Variants in SPPL3 observed in about 807,000 individuals in gnomAD.
SPPL3 encodes the protein signal peptide peptidase-like 3.
In SPPL3, 5 loss-of-function variants were observed where a neutral mutation model predicts 42.4. The ratio of observed to expected loss-of-function variants is 0.12; its 90% CI spans 0.06 to 0.25. SPPL3 has a LOEUF of 0.25. Ranked by LOEUF, SPPL3 falls within the 10% of genes least tolerant of loss-of-function variation. The probability of loss-of-function intolerance (pLI) is 1.00; values close to 1 mark genes in which losing one functional copy is unlikely to be tolerated. For synonymous variants in SPPL3, 195 were observed against 181.8 expected (o/e 1.07, Z -0.58); for missense variants, 235 against 489.0 (o/e 0.48, Z 4.90).
intron 1 of SPPL3, among the ~76,000 whole-genome samples, chr12:120,828,765 G>A (rs1321670876): frequency 6.6e-6 from 1 of 152,026 alleles, no homozygotes; most frequent in Non-Finnish European, 1.5e-5. Context: ...AGTCTTTTTT[G>A]TTTGTGTTAG....
At chr12:120,777,150 G>GCAT (rs1273243164) in intron 6 of SPPL3, among the ~76,000 whole-genome samples, 2 of 152,118 alleles carry the variant, frequency 1.3e-5, no homozygotes, top group Non-Finnish European at 2.9e-5. Flanking sequence ...GAAAAAATCT[G>GCAT]GTTTAGATTC....
chr12:120,792,458 T>C (rs1054466919), intron 2 of SPPL3, among the ~76,000 whole-genome samples: 1 of 152,110 alleles, frequency 6.6e-6, no homozygotes, highest in Non-Finnish European at 1.5e-5. Flanking sequence ...TCCCAGCACT[T>C]TGGGAGCCCC....
At chr12:120,852,760 CT>C (rs1872285919) in intron 1 of SPPL3, among the ~76,000 whole-genome samples, 1 of 51,130 alleles carries the variant, frequency 2.0e-5, no homozygotes, top group East Asian at 5.0e-4. Context: ...TATATTATAT[CT>C]ATGTATATTA....
At chr12:120,873,111 CAA>C (rs1238965544) in intron 1 of SPPL3, among the ~76,000 whole-genome samples, 1 of 152,066 alleles carries the variant, frequency 6.6e-6, no homozygotes, top group African/African-American at 2.4e-5. Context: ...GGAAAGGAGA[CAA>C]ATAGTTTTTC....
At position 120,801,484 on chromosome 12, in the gene SPPL3, T is replaced by C. The variant is rs1021011885; in HGVS notation, c.101+9325A>G. Among the ~76,000 whole-genome samples the C allele has an allele frequency of 2.0e-5, 3 of 152,300 alleles. No homozygotes were observed. In the South Asian group the frequency reaches 6.2e-4, roughly 32 times the overall value. ...TTTTGTGCACATTAACAAATCTGTA[T>C]GCCTTTTCTATTAATCTGCTATTTG... On this transcript the variant is annotated intron_variant, in intron 2 of 10. Coordinates refer to ENST00000353487, the MANE Select transcript of SPPL3 (RefSeq NM_139015.5).
At position 120,782,618 on chromosome 12, in the gene SPPL3, A is replaced by C. The variant is rs139366196; in HGVS notation, c.502+37T>G. The C allele has an allele frequency of 1.8e-3, 2,581 of 1,446,028 alleles. 41 individuals are homozygous for C. In the African/African-American group the frequency reaches 0.032, roughly 18 times the overall value. 89.6% of individuals were successfully genotyped at this position (1,446,028 alleles called of 1,614,324 possible). A position where few individuals can be genotyped will look rare whatever the true frequency, so the allele number is the denominator to read the frequency against. On this transcript the variant is annotated intron_variant, in intron 6 of 10. Coordinates refer to ENST00000353487, the MANE Select transcript of SPPL3 (RefSeq NM_139015.5). ...CCTAAAGTATCTATAAAACTCTATA[A>C]AGTAAAATTACAATTTGTCACAAAT...
chr12:120,853,980 A>G lies in SPPL3; in HGVS notation c.24-43094T>C, dbSNP rs1437404318. ...CACCACCACCACCACACACACGCAC[A>G]CATACACACACACACACACACACAC... On this transcript the variant is annotated intron_variant, in intron 1 of 10. Transcript: ENST00000353487. Among the ~76,000 whole-genome samples the G allele has an allele frequency of 5.2e-5, 5 of 96,328 alleles. No homozygotes were observed. The South Asian group carries it at 1.9e-3, about 37-fold the overall frequency. The allele number at this position is 96,328 out of a possible 152,430, so 63.2% of individuals were successfully genotyped here. A position where few individuals can be genotyped will look rare whatever the true frequency, so the allele number is the denominator to read the frequency against.
At chr12:120,815,199 A>G (rs77055546) in intron 1 of SPPL3, among the ~76,000 whole-genome samples, 2,443 of 152,304 alleles carry the variant, frequency 0.016, 29 homozygotes, top group South Asian at 0.06. Flanking sequence ...AGATGTTGCC[A>G]AAGTGCCCTA....
At chr12:120,779,591 T>A (rs1869449807) in intron 6 of SPPL3, among the ~76,000 whole-genome samples, 1 of 152,194 alleles carries the variant, frequency 6.6e-6, no homozygotes, top group Non-Finnish European at 1.5e-5. Flanking sequence ...CAACCCCTTT[T>A]AAAGAATTTT....
rs1164272443 is a variant in SPPL3 at position 120,779,820 on chromosome 12, C to CAAAAAAAA, written c.502+2827_502+2834dup. Among the ~76,000 whole-genome samples, 296 of 42,784 alleles carry CAAAAAAAA rather than the reference C, an allele frequency of 6.9e-3. 3 individuals carry two copies. The highest frequency in any genetic ancestry group is 9.5e-3 in the East Asian group (11 of 1,152). 28.1% of individuals were successfully genotyped at this position (42,784 alleles called of 152,430 possible). On this transcript the variant is annotated intron_variant, in intron 6 of 10. Coordinates refer to ENST00000353487, the MANE Select transcript of SPPL3 (RefSeq NM_139015.5). ...CGAAACCTTGTCTCTACTAAAAATA[C>CAAAAAAAA]AAAAAAAAAAAAAAAAAAAAAAAAA...
At chr12:120,858,994 A>G (rs964760308) in intron 1 of SPPL3, among the ~76,000 whole-genome samples, 5 of 152,180 alleles carry the variant, frequency 3.3e-5, no homozygotes, top group African/African-American at 1.2e-4. Context: ...TAGGGTCCTT[A>G]TAAGAGATGG....
At position 120,789,451 on chromosome 12, in the gene SPPL3, CA is replaced by C. The variant is rs60082359; in HGVS notation, c.190+2017del. On this transcript the variant is annotated intron_variant, in intron 3 of 10. Transcript: ENST00000353487. ...CCTGGGTGACAGTGAGACTCTGTCT[CA>C]AAAAAAAAAAGAAAAAAAGCATTTA... Among the ~76,000 whole-genome samples, 40 of 96,148 alleles carry C rather than the reference CA, an allele frequency of 4.2e-4. 1 individual carries two copies. The highest frequency in any genetic ancestry group is 1.3e-3 in the East Asian group (4 of 2,986). The allele number at this position is 96,148 out of a possible 152,430, so 63.1% of individuals were successfully genotyped here.
intron 1 of SPPL3, among the ~76,000 whole-genome samples, chr12:120,877,472 C>T (rs1771864538): frequency 6.6e-6 from 1 of 152,148 alleles, no homozygotes; most frequent in Non-Finnish European, 1.5e-5. Flanking sequence ...GCAAATCAAA[C>T]CCTGCCATAC....
chr12:120,819,743 C>T (rs1040830464), intron 1 of SPPL3, among the ~76,000 whole-genome samples: 4 of 152,130 alleles, frequency 2.6e-5, no homozygotes, highest in African/African-American at 9.7e-5. Context: ...CATTTTATCA[C>T]TTAGTGTACT....
chr12:120,768,317 G>C lies in SPPL3; in HGVS notation c.773+8C>G. ...ACAGTGTGGTCCTGTCATAGCATGA[G>C]GTCTTACCTTGGGAAGACCAGTTTT... On this transcript the variant is annotated splice_region_variant and intron_variant, in intron 8 of 10. Coordinates refer to ENST00000353487, the MANE Select transcript of SPPL3 (RefSeq NM_139015.5). The C allele has an allele frequency of 1.2e-6, 2 of 1,611,592 alleles. No homozygotes were observed. The highest frequency in any genetic ancestry group is 1.7e-6 in the Non-Finnish European group (2 of 1,178,604).
chr12:120,804,287 G>A (rs993685221), intron 2 of SPPL3, among the ~76,000 whole-genome samples: 3 of 152,062 alleles, frequency 2.0e-5, no homozygotes, highest in Non-Finnish European at 4.4e-5. Context: ...TTTTATAAAA[G>A]TCAAGAAATA....
intron 1 of SPPL3, among the ~76,000 whole-genome samples, chr12:120,848,265 T>C (rs939587327): frequency 6.6e-6 from 1 of 152,218 alleles, no homozygotes; most frequent in Non-Finnish European, 1.5e-5. Context: ...AACAGCCACT[T>C]TCTAATGTAC....
chr12:120,892,079 G>A (rs984020121), intron 1 of SPPL3, among the ~76,000 whole-genome samples: 6 of 152,184 alleles, frequency 3.9e-5, no homozygotes, highest in African/African-American at 1.4e-4. Flanking sequence ...TCAAAGAGCA[G>A]TAAGATGTTC....
intron 1 of SPPL3, among the ~76,000 whole-genome samples, chr12:120,821,326 G>A (rs1319495888): frequency 2.6e-5 from 4 of 152,182 alleles, no homozygotes; most frequent in African/African-American, 4.8e-5. Flanking sequence ...CAAAGCATGC[G>A]CTTTTGATTG....
Sources: allele counts gnomAD v4.1 joint callset (sites outside exome capture counted in the v4.1 genomes callset), GRCh38; gene constraint gnomAD v4.1.1; transcripts MANE v1.5; gene names NCBI Gene and HGNC (gene_info 2026-07-23, HGNC 2026-07-21).